Variants in PPP4R3B observed in about 807,000 individuals in gnomAD.
PPP4R3B encodes the protein serine/threonine-protein phosphatase 4 regulatory subunit 3B.
A neutral mutation model predicts 95.4 loss-of-function variants in PPP4R3B; 52 were observed. That is an observed-to-expected ratio of 0.54 (90% CI 0.44 to 0.69). The LOEUF (loss-of-function observed/expected upper bound fraction) is 0.69. Ranked by LOEUF, PPP4R3B falls within the 30% of genes least tolerant of loss-of-function variation. The pLI, the probability that PPP4R3B is intolerant of heterozygous loss-of-function variation, is 0.00. For synonymous variants in PPP4R3B, 407 were observed against 343.9 expected, an observed-to-expected ratio of 1.18 and a Z score of -2.03; for missense variants, 1,003 against 1,005.9, an observed-to-expected ratio of 1.00 and a Z score of 0.04.
chr2:55,593,952 G>GCA (rs1691395348), intron 4 of PPP4R3B, among the ~76,000 whole-genome samples: 1 of 152,132 alleles, frequency 6.6e-6, no homozygotes. Flanking sequence ...AAAATGGGGT[G>GCA]TATATATACA....
At chr2:55,568,959 G>A (rs76876962) in intron 12 of PPP4R3B, among the ~76,000 whole-genome samples, 6,382 of 152,244 alleles carry the variant, frequency 0.042, 172 homozygotes, top group South Asian at 0.082. Context: ...GAGGGCACGA[G>A]CTGTTCTAGT....
chr2:55,552,267 T>A (rs1195806538), intron 16 of PPP4R3B, among the ~76,000 whole-genome samples: 1 of 152,332 alleles, frequency 6.6e-6, no homozygotes, highest in South Asian at 2.1e-4. Flanking sequence ...TATCTAGAAA[T>A]GTACTGTTTT....
intron 4 of PPP4R3B, among the ~76,000 whole-genome samples, chr2:55,596,642 C>T (rs1691813746): frequency 1.3e-5 from 2 of 152,200 alleles, no homozygotes; most frequent in Non-Finnish European, 2.9e-5. Context: ...GGCGAGTATT[C>T]ACAGGACAGA....
intron 15 of PPP4R3B, among the ~76,000 whole-genome samples, chr2:55,559,647 A>G (rs1686340236): frequency 6.6e-6 from 1 of 152,136 alleles, no homozygotes; most frequent in Non-Finnish European, 1.5e-5. Context: ...GCCATGTAAC[A>G]CATGCCTTGT....
intron 2 of PPP4R3B, among the ~76,000 whole-genome samples, chr2:55,609,282 G>A (rs993791085): frequency 6.6e-6 from 1 of 152,000 alleles, no homozygotes; most frequent in East Asian, 1.9e-4. Context: ...CCTCAGCCCC[G>A]AAAAGCTGGG....
intron 16 of PPP4R3B, among the ~76,000 whole-genome samples, chr2:55,557,321 G>T (rs917229745): frequency 6.6e-6 from 1 of 152,110 alleles, no homozygotes; most frequent in African/African-American, 2.4e-5. Context: ...CTCTTGAGTA[G>T]CTGGGACCAC....
intron 16 of PPP4R3B, 56 bp from the exon 17 acceptor site, chr2:55,550,062 T>C (rs1685071039): frequency 1.9e-6 from 2 of 1,070,122 alleles, no homozygotes; most frequent in Admixed American, 2.2e-5. Flanking sequence ...AAAGAGCTTT[T>C]AGTACAAATA....
chr2:55,610,338 C>T (rs1693995743), intron 2 of PPP4R3B, among the ~76,000 whole-genome samples: 1 of 152,144 alleles, frequency 6.6e-6, no homozygotes, highest in Admixed American at 6.5e-5. Context: ...TCTTTAAACA[C>T]AGTATCACTT....
At chr2:55,609,942 T>A (rs1353219947) in intron 2 of PPP4R3B, among the ~76,000 whole-genome samples, 1 of 152,128 alleles carries the variant, frequency 6.6e-6, no homozygotes, top group East Asian at 1.9e-4. Flanking sequence ...GAAAGAGACT[T>A]CAATAAATAC....
intron 1 of PPP4R3B, among the ~76,000 whole-genome samples, chr2:55,615,857 CAAAAA>C (rs58981030): frequency 1.3e-3 from 50 of 39,068 alleles, no homozygotes; most frequent in African/African-American, 5.1e-3. Flanking sequence ...ACTCTGTCTC[CAAAAA>C]AAAAAAAAAA....
intron 4 of PPP4R3B, chr2:55,591,803 T>C (rs558834099): frequency 8.1e-5 from 23 of 284,406 alleles, no homozygotes; most frequent in African/African-American, 2.0e-4. Flanking sequence ...CTGGCTATTA[T>C]TCATTAAGCT....
intron 7 of PPP4R3B, among the ~76,000 whole-genome samples, chr2:55,583,076 A>G (rs560077664): frequency 1.3e-5 from 2 of 152,298 alleles, no homozygotes; most frequent in African/African-American, 4.8e-5. Context: ...AATCTGCTCC[A>G]TAATACTTTA....
chr2:55,603,196 G>A (rs1218959460), intron 3 of PPP4R3B, among the ~76,000 whole-genome samples: 3 of 152,088 alleles, frequency 2.0e-5, no homozygotes, highest in African/African-American at 4.8e-5. Context: ...CAGGTGATCC[G>A]CCTGCCTCGG....
chr2:55,555,341 G>C (rs1035934086), intron 16 of PPP4R3B, among the ~76,000 whole-genome samples: 1 of 149,732 alleles, frequency 6.7e-6, no homozygotes, highest in Non-Finnish European at 1.5e-5. Flanking sequence ...AAATTGTCTT[G>C]GCACTCTTAT....
chr2:55,568,417 T>G, intron 12 of PPP4R3B, 54 bp from the exon 13 acceptor site: 19 of 1,411,816 alleles, frequency 1.3e-5, no homozygotes, highest in Non-Finnish European at 1.8e-5. Flanking sequence ...AATCAATTAT[T>G]ATACAGGTGT....
chr2:55,614,470 G>C (rs1694628380), intron 2 of PPP4R3B: 1 of 152,156 alleles, frequency 6.6e-6, no homozygotes, highest in Non-Finnish European at 1.5e-5. Flanking sequence ...ATGAATGTGT[G>C]AAAAATGCAA....
Position 55,571,114 on chromosome 2 carries a change from G to C in PPP4R3B, c.1765+2505C>G, listed in dbSNP as rs375954739. 5.1e-4 allele frequency among the ~76,000 whole-genome samples: 78 copies of C among 152,256 alleles called. 1 individual carries two copies. The East Asian group carries it at 0.012, about 24-fold the overall frequency. ...TCATGAGGTCAGGAGTTTGAGACCA[G>C]CCTGGCCAACATGGTGAAACCCCAT... On this transcript the variant is annotated intron_variant, in intron 12 of 16. Transcript: ENST00000616407.
rs770819711 is a variant in PPP4R3B at position 55,617,313 on chromosome 2, C to T, written c.-28G>A. On this transcript the variant is annotated 5_prime_UTR_variant, in exon 1 of 17. Coordinates refer to ENST00000616407, the MANE Select transcript of PPP4R3B (RefSeq NM_001122964.3). ...TGGCTGCTGTCTCCACCGCTCTAGCCGCCGCCTCCTCGCTTACCTCGTCCG... is the reference window on the plus strand; with the variant it reads ...TGGCTGCTGTCTCCACCGCTCTAGCTGCCGCCTCCTCGCTTACCTCGTCCG... 3.9e-6 allele frequency: 6 copies of T among 1,554,238 alleles called. No individual in the cohort carries two copies. Among genetic ancestry groups the T allele is most frequent in the Non-Finnish European group, 4.4e-6 (5 of 1,144,288 alleles).
Position 55,598,875 on chromosome 2 carries a change from G to C in PPP4R3B, c.462C>G (p.Ser154=), listed in dbSNP as rs767155284. Residue 154 remains serine (S), a synonymous_variant, in exon 4 of 17, where the codon TCC becomes TCG. Coordinates refer to ENST00000616407, the MANE Select transcript of PPP4R3B (RefSeq NM_001122964.3). The part of the protein sequence containing the change: ...EIADLVTSVL[S]SPIRREKLAL... The stretch of plus-strand genomic sequence containing the variant: ...CCAGCTTTTCCCTACGGATAGGTGA[G>C]GAGAGCACTGAGGTAACTAAGTCAG... 1.5e-5 allele frequency: 25 copies of C among 1,614,082 alleles called. No individual in the cohort carries two copies. Among genetic ancestry groups the C allele is most frequent in the South Asian group, 1.1e-5 (1 of 91,086 alleles).
Sources: gnomAD v4.1 joint callset for allele counts (sites outside exome capture counted in the v4.1 genomes callset) on GRCh38, gnomAD v4.1.1 for gene constraint, MANE v1.5 for transcripts, NCBI Gene and HGNC (gene_info 2026-07-23, HGNC 2026-07-21) for gene names.